Variants in ENTPD7 observed in about 807,000 individuals in gnomAD.
The protein encoded by ENTPD7 is NTPDase 7.
In ENTPD7, 53 loss-of-function variants were observed where a neutral mutation model predicts 77.9. The ratio of observed to expected loss-of-function variants is 0.68; its 90% confidence interval spans 0.55 to 0.85. The LOEUF (loss-of-function observed/expected upper bound fraction) is 0.85, where lower values mean the gene tolerates loss of function less well. ENTPD7 is among the 40% of genes least tolerant of loss of function. ENTPD7 has a pLI of 0.00. For synonymous variants in ENTPD7, 248 were observed against 274.9 expected, an observed-to-expected ratio of 0.90 and a Z score of 0.97; for missense variants, 636 against 743.7, an observed-to-expected ratio of 0.86 and a Z score of 1.68.
chr10:99,685,132 C>CTG (rs936660783), intron 5 of ENTPD7, among the ~76,000 whole-genome samples: 1 of 152,182 alleles, frequency 6.6e-6, no homozygotes, highest in Non-Finnish European at 1.5e-5. Flanking sequence ...TGATCCATGC[C>CTG]TGTAATCCCA....
chr10:99,679,865 C>T lies in ENTPD7; in HGVS notation c.538C>T (p.Leu180Phe). 2 of 1,610,560 alleles carry T rather than the reference C, an allele frequency of 1.2e-6. No homozygotes were observed. Among genetic ancestry groups the T allele is most frequent in the Non-Finnish European group, 1.7e-6 (2 of 1,179,094 alleles). Residue 180 changes from leucine (L) to phenylalanine (F), a missense_variant, in exon 5 of 13, where the codon CTC (leucine) becomes TTC (phenylalanine). Around this residue, in one of 3 missense-constraint regions of ENTPD7, gnomAD observed 486 missense variants for 556.5 expected, o/e 0.87. Transcript: ENST00000370489. ...YILCTAGMRL[L>F]PERKQLAILA... ...CCTCTGCACAGCAGGCATGAGGCTTCTCCCTGAGAGGTGAGATGCAGGGTA... is the reference window on the plus strand; with the variant it reads ...CCTCTGCACAGCAGGCATGAGGCTTTTCCCTGAGAGGTGAGATGCAGGGTA...
intron 11 of ENTPD7, among the ~76,000 whole-genome samples, chr10:99,702,288 A>T (rs1275008986): frequency 1.3e-5 from 2 of 151,896 alleles, no homozygotes; most frequent in East Asian, 1.9e-4. Flanking sequence ...AGGGACTCTT[A>T]AAAAAAAGAA....
intron 6 of ENTPD7, among the ~76,000 whole-genome samples, chr10:99,686,940 C>T (rs1418138414): frequency 4.2e-5 from 5 of 118,920 alleles, no homozygotes; most frequent in Non-Finnish European, 6.6e-5. Flanking sequence ...TTTTTTGAGA[C>T]AGAGTTGCAC....
At chr10:99,680,227 T>C (rs967918121) in intron 5 of ENTPD7, among the ~76,000 whole-genome samples, 1 of 152,210 alleles carries the variant, frequency 6.6e-6, no homozygotes, top group African/African-American at 2.4e-5. Flanking sequence ...ACCTTTTCTG[T>C]AACTCTGCCT....
intron 3 of ENTPD7, among the ~76,000 whole-genome samples, chr10:99,678,574 A>G (rs1010326274): frequency 2.0e-5 from 3 of 151,914 alleles, no homozygotes; most frequent in African/African-American, 7.2e-5. Flanking sequence ...TTCTAGCAAT[A>G]TAAATACAAA....
At chr10:99,664,690 C>G (rs117065221) in intron 3 of ENTPD7, among the ~76,000 whole-genome samples, 630 of 151,574 alleles carry the variant, frequency 4.2e-3, no homozygotes, top group Non-Finnish European at 6.9e-3. Flanking sequence ...ACCTTGTGGT[C>G]TACCCACGTT....
At chr10:99,699,724 C>T (rs1174354569) in intron 10 of ENTPD7, among the ~76,000 whole-genome samples, 1 of 152,138 alleles carries the variant, frequency 6.6e-6, no homozygotes, top group South Asian at 2.1e-4. Flanking sequence ...ACCACCATGC[C>T]TGGCTAATTT....
intron 6 of ENTPD7, among the ~76,000 whole-genome samples, chr10:99,686,199 A>G (rs1358127653): frequency 6.6e-6 from 1 of 152,194 alleles, no homozygotes. Flanking sequence ...TGTACTTTTG[A>G]AAACATATAT....
At position 99,702,570 on chromosome 10, in the gene ENTPD7, C is replaced by G. The variant is rs771584461; in HGVS notation, c.1480C>G (p.Pro494Ala). 7 of 1,612,704 alleles carry G rather than the reference C, an allele frequency of 4.3e-6. No individual in the cohort carries two copies. The Admixed American group carries it at 1.2e-4, about 27-fold the overall frequency. The change falls in exon 12 of 13, where the codon CCC becomes GCC. Residue 494 changes from proline to alanine, a missense_variant. By Grantham distance (27) the Pro-to-Ala change is conservative (BLOSUM62 -1). Around this residue, in one of 3 missense-constraint regions of ENTPD7, gnomAD observed 138 missense variants for 150.9 expected, o/e 0.91. Transcript: ENST00000370489. Reference protein sequence around the residue: ...YQVLHEGFHFPYDYPNLRTAQ... With the variant: ...YQVLHEGFHFAYDYPNLRTAQ... ...AGTCTTACATGAAGGATTCCACTTTCCCTATGACTACCCAAACCTGCGGAC... is the reference window on the plus strand; with the variant it reads ...AGTCTTACATGAAGGATTCCACTTTGCCTATGACTACCCAAACCTGCGGAC...
Position 99,696,192 on chromosome 10 carries a change from A to G in ENTPD7, c.1010+70A>G, listed in dbSNP as rs1655814358. 2.1e-5 allele frequency: 32 copies of G among 1,551,536 alleles called. 1 individual carries two copies. The South Asian group carries it at 3.5e-4, about 17-fold the overall frequency. On this transcript the variant is annotated intron_variant, in intron 9 of 12. Transcript: ENST00000370489. ...CTGCAGATATTAGGGAGAAATACTC[A>G]CATCCTCCTAAGACAGATAAGTCCC...
At chr10:99,691,165 T>A (rs1310383102) in intron 7 of ENTPD7, among the ~76,000 whole-genome samples, 1 of 150,750 alleles carries the variant, frequency 6.6e-6, no homozygotes, top group Non-Finnish European at 1.5e-5. Context: ...TAAAAAAAAT[T>A]TTTTTTTTTT....
At chr10:99,693,314 G>A (rs1474803852) in intron 8 of ENTPD7, among the ~76,000 whole-genome samples, 1 of 152,192 alleles carries the variant, frequency 6.6e-6, no homozygotes, top group South Asian at 2.1e-4. Flanking sequence ...AGATACCCAA[G>A]GAACATATAT....
chr10:99,702,265 G>T (rs2036151135), intron 11 of ENTPD7, among the ~76,000 whole-genome samples: 2 of 151,996 alleles, frequency 1.3e-5, no homozygotes, highest in African/African-American at 4.8e-5. Context: ...ATTTTAATAT[G>T]CTCTCTGAAG....
At chr10:99,686,828 GT>G (rs1296458901) in intron 6 of ENTPD7, among the ~76,000 whole-genome samples, 1 of 150,572 alleles carries the variant, frequency 6.6e-6, no homozygotes, top group African/African-American at 2.4e-5. Context: ...GAGACTCTGG[GT>G]CCTGTTTAAA....
chr10:99,669,879 AGCTGGG>A, intron 3 of ENTPD7, among the ~76,000 whole-genome samples: 1 of 150,456 alleles, frequency 6.6e-6, no homozygotes, highest in East Asian at 2.0e-4. Flanking sequence ...CCTCCCAAGT[AGCTGGG>A]ACTACAGGCA....
chr10:99,659,873 A>G lies in ENTPD7; in HGVS notation c.-84A>G. On this transcript the variant is annotated 5_prime_UTR_variant, in exon 2 of 13. Coordinates refer to ENST00000370489, the MANE Select transcript of ENTPD7 (RefSeq NM_020354.5). The surrounding 1 kb of genome is among the most constrained non-coding windows in gnomAD (Gnocchi z 4.1). ...TCAAATCTTTCTAGGCTGCAGACGTAGGAGATGCCTGGGACAAGGAGGCCA... is the reference window on the plus strand; with the variant it reads ...TCAAATCTTTCTAGGCTGCAGACGTGGGAGATGCCTGGGACAAGGAGGCCA... The G allele has an allele frequency of 6.3e-7, 1 of 1,589,434 alleles. No homozygotes were observed. Among genetic ancestry groups the G allele is most frequent in the Non-Finnish European group, 8.6e-7 (1 of 1,159,180 alleles).
In ENTPD7 at chr10:99,698,876, A is replaced by C; in HGVS notation, c.1335+18A>C. The C allele has an allele frequency of 6.4e-7, 1 of 1,571,594 alleles. No homozygotes were observed. Among genetic ancestry groups the C allele is most frequent in the Non-Finnish European group, 8.6e-7 (1 of 1,158,300 alleles). The stretch of plus-strand genomic sequence containing the variant: ...CTGCTCAGGTAAATTATTAATGATA[A>C]ACATGGCTTATGCTGGCAGCAGCCA... On this transcript the variant is annotated intron_variant, in intron 10 of 12. Transcript: ENST00000370489.
chr10:99,668,455 C>T (rs1460381186), intron 3 of ENTPD7, among the ~76,000 whole-genome samples: 1 of 152,102 alleles, frequency 6.6e-6, no homozygotes, highest in African/African-American at 2.4e-5. Flanking sequence ...CCATCATTTG[C>T]TAGTTGGGTA....
Position 99,710,805 on chromosome 10 carries a change from C to A in ENTPD7, c.*6122C>A. 1 of 985,230 alleles carries A rather than the reference C, an allele frequency of 1.0e-6. No individual in the cohort carries two copies. The highest frequency in any genetic ancestry group is 1.2e-6 in the Non-Finnish European group (1 of 829,888). The allele number at this position is 985,230 out of a possible 1,614,324, so 61.0% of individuals were successfully genotyped here. A position where few individuals can be genotyped will look rare whatever the true frequency, so the allele number is the denominator to read the frequency against. ...GCTTTAGGGAGTTGCTAGTCATTAC[C>A]CCTGCTACAATAGATAGTATTTGTC... On this transcript the variant is annotated 3_prime_UTR_variant, in exon 13 of 13. Transcript: ENST00000370489.
Sources: allele counts gnomAD v4.1 joint callset (sites outside exome capture counted in the v4.1 genomes callset), GRCh38; gene constraint gnomAD v4.1.1; regional missense constraint gnomAD v4.1.1; non-coding constraint Gnocchi (gnomAD v3.1); transcripts MANE v1.5; gene names NCBI Gene and HGNC (gene_info 2026-07-23, HGNC 2026-07-21).